The following CA5A variants were observed in gnomAD, a reference collection of about 807,000 sequenced individuals.
CA5A encodes the protein carbonic anhydrase 5A, mitochondrial.
CA5A carries 28 observed loss-of-function variants against 37.1 expected under a neutral mutation model. The ratio of observed to expected loss-of-function variants is 0.75; its 90% CI spans 0.56 to 1.03. The LOEUF (loss-of-function observed/expected upper bound fraction) is 1.03. CA5A is among the 50% of genes least tolerant of loss of function. CA5A has a pLI of 0.00. For missense variants in CA5A, 444 were observed against 399.9 expected (o/e 1.11, Z -0.94); for synonymous variants, 171 against 158.4 (o/e 1.08, Z -0.60).
At chr16:87,885,063 T>A (rs1885441586), downstream of CA5A, 1 of 152,990 alleles carries the variant, frequency 6.5e-6, no homozygotes, top group African/African-American at 2.4e-5. Flanking sequence ...CTTGTGAGGC[T>A]GAGGCAGGAG....
intron 2 of CA5A, among the ~76,000 whole-genome samples, chr16:87,925,787 C>G (rs1438436075): frequency 1.3e-5 from 2 of 152,176 alleles, no homozygotes; most frequent in African/African-American, 2.4e-5. Flanking sequence ...CTTTCAGGAC[C>G]TCTCAAGTCA....
rs139159204 is a variant in CA5A, at chr16:87,917,010, C to G, written c.340+9738G>C. On this transcript the variant is annotated intron_variant, in intron 2 of 6. Transcript: ENST00000649794. The stretch of plus-strand genomic sequence containing the variant: ...GTCCCAGTTACTCGGGAGGCTGAGG[C>G]AGGAGAATGGTGTGAACCCGGGAGG... Among the ~76,000 whole-genome samples the G allele has an allele frequency of 6.6e-3, 988 of 149,872 alleles. 13 individuals are homozygous for G. Among genetic ancestry groups the G allele is most frequent in the African/African-American group, 0.023 (936 of 40,558 alleles).
intron 3 of CA5A, among the ~76,000 whole-genome samples, chr16:87,903,641 C>T (rs182713024): frequency 1.3e-5 from 2 of 152,240 alleles, no homozygotes; most frequent in East Asian, 3.9e-4. Context: ...CGGAGGTCAC[C>T]TCTGGGTGTG....
chr16:87,929,585 C>T (rs956085396), intron 1 of CA5A, among the ~76,000 whole-genome samples: 4 of 151,636 alleles, frequency 2.6e-5, no homozygotes, highest in African/African-American at 9.7e-5. Context: ...AATAAGTAAA[C>T]CATCAGGCCA....
intron 2 of CA5A, among the ~76,000 whole-genome samples, chr16:87,919,149 G>C (rs555637381): frequency 1.3e-5 from 2 of 152,212 alleles, no homozygotes; most frequent in African/African-American, 4.8e-5. Flanking sequence ...TCGGGACAAG[G>C]TCAGAGGCTG....
rs868516063 is a variant in CA5A, at chr16:87,888,052, A to G, written c.*77T>C. 6.6e-7 allele frequency: 1 copy of G among 1,515,732 alleles called. No individual in the cohort carries two copies. Among genetic ancestry groups the G allele is most frequent in the African/African-American group, 1.4e-5 (1 of 72,028 alleles). The allele number at this position is 1,515,732 out of a possible 1,614,324, so 93.9% of individuals were successfully genotyped here. A position where few individuals can be genotyped will look rare whatever the true frequency, so the allele number is the denominator to read the frequency against. ...CTTTTTAATTTCAGAAGTCATGTAC[A>G]ATCACATTGTGAAACTTGGGAAACA... On this transcript the variant is annotated 3_prime_UTR_variant, in exon 7 of 7. Coordinates refer to ENST00000649794, the MANE Select transcript of CA5A (RefSeq NM_001739.2).
chr16:87,899,054 C>G (rs1317376731), intron 5 of CA5A, among the ~76,000 whole-genome samples: 1 of 151,982 alleles, frequency 6.6e-6, no homozygotes, highest in Non-Finnish European at 1.5e-5. Context: ...TGTTTAATAT[C>G]TCCATTTCAC....
At chr16:87,897,490 G>A (rs1161678786) in intron 5 of CA5A, among the ~76,000 whole-genome samples, 1 of 152,020 alleles carries the variant, frequency 6.6e-6, no homozygotes, top group East Asian at 1.9e-4. Flanking sequence ...GGCACTGGTA[G>A]GGGCCTGTGC....
chr16:87,898,467 TC>T (rs1304235184), intron 5 of CA5A, among the ~76,000 whole-genome samples: 4 of 152,222 alleles, frequency 2.6e-5, no homozygotes, highest in Non-Finnish European at 4.4e-5. Flanking sequence ...TTCTAAAATT[TC>T]ATGGGCTCCC....
At chr16:87,896,904 T>C (rs2055810358) in intron 5 of CA5A, among the ~76,000 whole-genome samples, 1 of 152,228 alleles carries the variant, frequency 6.6e-6, no homozygotes. Context: ...CCTCCCACAG[T>C]GCTGGGATTA....
At chr16:87,918,666 T>C (rs575503133) in intron 2 of CA5A, among the ~76,000 whole-genome samples, 13 of 152,192 alleles carry the variant, frequency 8.5e-5, no homozygotes, top group Non-Finnish European at 1.6e-4. Flanking sequence ...CCTTGTCCGC[T>C]CCCTTCCCTT....
intron 5 of CA5A, among the ~76,000 whole-genome samples, chr16:87,897,749 T>A (rs2055825025): frequency 6.6e-6 from 1 of 152,228 alleles, no homozygotes; most frequent in Non-Finnish European, 1.5e-5. Flanking sequence ...GCCAGCTGTG[T>A]GCTCGGGCAA....
At position 87,899,176 on chromosome 16, in the gene CA5A, T is replaced by G. The variant is rs182361663; in HGVS notation, c.618+2736A>C. On this transcript the variant is annotated intron_variant, in intron 5 of 6. Transcript: ENST00000649794. ...TGATACACTGTGCTATGGGAGAAGCTCCCAGAAGTCCTAGGCTAGGAGCCT... is the reference window on the plus strand; with the variant it reads ...TGATACACTGTGCTATGGGAGAAGCGCCCAGAAGTCCTAGGCTAGGAGCCT... Among the ~76,000 whole-genome samples the G allele has an allele frequency of 3.4e-3, 522 of 152,068 alleles. 14 individuals are homozygous for G. Among genetic ancestry groups the G allele is most frequent in the Admixed American group, 0.032 (482 of 15,260 alleles).
intron 2 of CA5A, among the ~76,000 whole-genome samples, chr16:87,915,525 A>ATTTTTTTT (rs1162468866): frequency 1.9e-5 from 2 of 107,128 alleles, no homozygotes. Flanking sequence ...CCTGTGTCAA[A>ATTTTTTTT]ATTTTTTTTT....
intron 2 of CA5A, among the ~76,000 whole-genome samples, chr16:87,915,204 C>T (rs1400429435): frequency 8.5e-5 from 13 of 152,304 alleles, no homozygotes; most frequent in Non-Finnish European, 1.3e-4. Context: ...GTGTCTGCAG[C>T]GGTCCCTGGG....
At chr16:87,882,700 C>A (rs958280689) in intron 4 of CA5A, 2 of 152,260 alleles carry the variant, frequency 1.3e-5, no homozygotes, top group Non-Finnish European at 2.9e-5. Flanking sequence ...CAGGAGCGGG[C>A]GAGGCAGCCG....
At position 87,932,467 on chromosome 16, in the gene CA5A, C is replaced by G. The variant is rs568212891; in HGVS notation, c.142+3842G>C. On this transcript the variant is annotated intron_variant, in intron 1 of 6. Transcript: ENST00000649794. ...GCGTGTGTCACCCAACAAAAGGGCT[C>G]ATTGCCACCTGCACGGAGGCGACGC... Among the ~76,000 whole-genome samples the G allele has an allele frequency of 3.0e-3, 456 of 152,330 alleles. 4 individuals carry two copies. The highest frequency in any genetic ancestry group is 0.01 in the African/African-American group (435 of 41,560).
intron 5 of CA5A, among the ~76,000 whole-genome samples, chr16:87,897,229 T>C (rs537353840): frequency 3.2e-4 from 48 of 152,378 alleles, no homozygotes; most frequent in African/African-American, 1.0e-3. Context: ...AGGCAGCCAA[T>C]TCCCCGGTAG....
At chr16:87,917,398 C>A (rs1418355443) in intron 2 of CA5A, among the ~76,000 whole-genome samples, 1 of 152,180 alleles carries the variant, frequency 6.6e-6, no homozygotes, top group African/African-American at 2.4e-5. Flanking sequence ...GTGGCTGAAT[C>A]TCTAACAGGT....
Sources: gnomAD v4.1 joint callset for allele counts (sites outside exome capture counted in the v4.1 genomes callset) on GRCh38, gnomAD v4.1.1 for gene constraint, MANE v1.5 for transcripts, NCBI Gene and HGNC (gene_info 2026-07-23, HGNC 2026-07-21) for gene names.